Variants in ZZEF1 observed in about 807,000 individuals in gnomAD.
The protein encoded by ZZEF1 is zinc finger ZZ-type and EF-hand domain-containing protein 1.
Under a neutral mutation model 342.8 loss-of-function variants are expected in ZZEF1, and 157 were observed. The ratio of observed to expected loss-of-function variants is 0.46; its 90% CI spans 0.40 to 0.52. The LOEUF is 0.52. Ranked by LOEUF, ZZEF1 falls within the 20% of genes least tolerant of loss-of-function variation. The probability of loss-of-function intolerance (pLI) is 0.00; values close to 1 mark genes in which losing one functional copy is unlikely to be tolerated. For missense variants in ZZEF1, 3,480 were observed against 3,725.6 expected (o/e 0.93, Z 1.72); for synonymous variants, 1,505 against 1,429.1 (o/e 1.05, Z -1.20).
At chr17:4,141,066 GC>G (rs745614721) in intron 1 of ZZEF1, among the ~76,000 whole-genome samples, 4 of 152,220 alleles carry the variant, frequency 2.6e-5, no homozygotes, top group Admixed American at 6.5e-5. Flanking sequence ...CCGCCACCAT[GC>G]CCAGCTAATT....
chr17:4,105,875 T>C (rs949948287), intron 6 of ZZEF1, 66 bp from the exon 7 acceptor site: 4 of 1,321,070 alleles, frequency 3.0e-6, no homozygotes, highest in African/African-American at 3.0e-5. Flanking sequence ...AAAAATAAAC[T>C]GTTAGAAGCT....
intron 33 of ZZEF1, 85 bp downstream of exon 33, chr17:4,056,131 G>C (rs550558839): frequency 7.3e-7 from 1 of 1,375,812 alleles, no homozygotes; most frequent in Non-Finnish European, 9.5e-7. Context: ...TCTCAGGTAA[G>C]AGCCTGCCAG....
chr17:4,008,411 T>C lies in ZZEF1; in HGVS notation c.8805+472A>G, dbSNP rs1313441682. The C allele has an allele frequency of 1.8e-6, 1 of 560,144 alleles. No individual in the cohort carries two copies. Among genetic ancestry groups the C allele is most frequent in the East Asian group, 1.4e-4 (1 of 6,916 alleles). 34.7% of individuals were successfully genotyped at this position (560,144 alleles called of 1,614,324 possible). On this transcript the variant is annotated intron_variant, in intron 54 of 54. Transcript: ENST00000381638. The surrounding 1 kb of genome is among the most constrained non-coding windows in gnomAD (Gnocchi z 4.2). ...AAGGTTTACACTTTTGCTTAATTTT[T>C]AAATTGAAAATCTCGTTTCTAATGG...
intron 27 of ZZEF1, 62 bp downstream of exon 27, chr17:4,067,101 T>G: frequency 7.3e-7 from 1 of 1,373,300 alleles, no homozygotes; most frequent in Non-Finnish European, 1.0e-6. Flanking sequence ...TTCATCTTAA[T>G]TCCATGATAT....
At position 4,064,793 on chromosome 17, in the gene ZZEF1, T is replaced by A; in HGVS notation, c.4286A>T (p.Lys1429Ile). Residue 1429 changes from lysine (K) to isoleucine (I), a missense_variant, in exon 29 of 55, where the codon AAA becomes ATA. By Grantham distance (102) the Lys-to-Ile change is moderately radical. Around this residue, in one of 5 missense-constraint regions of ZZEF1, gnomAD observed 1,528 missense variants for 1,624.1 expected, o/e 0.94. Coordinates refer to ENST00000381638, the MANE Select transcript of ZZEF1 (RefSeq NM_015113.4). ...TGAACTTATGCCCGTGGGCAGAAATTTTAGTAATAGAAGACTCTTCTCAAT... is the reference window on the plus strand; with the variant it reads ...TGAACTTATGCCCGTGGGCAGAAATATTAGTAATAGAAGACTCTTCTCAAT... ...ECIEKSLLLL[K>I]FLPTGISSKE... 1 of 1,607,962 alleles carries A rather than the reference T, an allele frequency of 6.2e-7. No individual in the cohort carries two copies. The highest frequency in any genetic ancestry group is 1.3e-5 in the African/African-American group (1 of 74,870).
intron 46 of ZZEF1, among the ~76,000 whole-genome samples, chr17:4,019,434 C>T (rs2056205158): frequency 6.6e-6 from 1 of 152,192 alleles, no homozygotes; most frequent in South Asian, 2.1e-4. Flanking sequence ...TGAGTTTCCT[C>T]TCAGAGGCCG....
chr17:4,039,038 G>A (rs1318824877), intron 39 of ZZEF1, among the ~76,000 whole-genome samples: 2 of 148,236 alleles, frequency 1.3e-5, no homozygotes, highest in Admixed American at 6.7e-5. Flanking sequence ...CAAAGTGCCT[G>A]CTAAAAAAAA....
chr17:4,012,181 T>C (rs2144931032), intron 52 of ZZEF1, among the ~76,000 whole-genome samples: 1 of 152,316 alleles, frequency 6.6e-6, no homozygotes, highest in South Asian at 2.1e-4. Flanking sequence ...TCATAAGCAC[T>C]GCTCAACCAG....
intron 1 of ZZEF1, among the ~76,000 whole-genome samples, chr17:4,130,316 G>T (rs2058643425): frequency 6.6e-6 from 1 of 152,078 alleles, no homozygotes; most frequent in Non-Finnish European, 1.5e-5. Flanking sequence ...AGCCGGGCGT[G>T]GTGGTGGGTA....
intron 3 of ZZEF1, 30 bp from the exon 4 acceptor site, chr17:4,114,500 A>C (rs900706652): frequency 6.3e-6 from 9 of 1,425,248 alleles, no homozygotes; most frequent in Non-Finnish European, 8.3e-6. Context: ...TGATTATATG[A>C]CATCCCTTTC....
chr17:4,104,661 T>C lies in ZZEF1; in HGVS notation c.1545A>G (p.Ser515=). The part of the protein sequence containing the change: ...DASSLILSMA[S]VRQNLLLKYG... ...ATTTGAGGAGCAGGTTCTGTCTGAC[T>C]GACGCCATGGACAAGATGAGGGATG... Residue 515 remains serine, a synonymous_variant, in exon 8 of 55, where the codon TCA becomes TCG. Coordinates refer to ENST00000381638, the MANE Select transcript of ZZEF1 (RefSeq NM_015113.4). 1 of 1,614,158 alleles carries C rather than the reference T, an allele frequency of 6.2e-7. No individual in the cohort carries two copies. The highest frequency in any genetic ancestry group is 8.5e-7 in the Non-Finnish European group (1 of 1,180,020).
intron 1 of ZZEF1, among the ~76,000 whole-genome samples, chr17:4,124,506 G>A (rs998772623): frequency 8.6e-5 from 13 of 151,992 alleles, no homozygotes; most frequent in African/African-American, 1.2e-4. Context: ...GCAGTGGTGC[G>A]ACCTCAGGTC....
At chr17:4,047,880 G>GAT in intron 37 of ZZEF1, among the ~76,000 whole-genome samples, 1 of 150,532 alleles carries the variant, frequency 6.6e-6, no homozygotes, top group East Asian at 2.0e-4. Flanking sequence ...GGTGGAGGTT[G>GAT]CAGTGAGCCA....
In ZZEF1 at chr17:4,056,202, T is replaced by A; in HGVS notation, c.5295+14A>T. The A allele has an allele frequency of 6.4e-7, 1 of 1,568,958 alleles. No homozygotes were observed. Among genetic ancestry groups the A allele is most frequent in the Non-Finnish European group, 8.6e-7 (1 of 1,157,460 alleles). ...AGCAAATCACTTCAGAGTACTCTAG[T>A]TGAGAGGTCTTACTTTCCTCTGCTT... On this transcript the variant is annotated intron_variant, in intron 33 of 54. Transcript: ENST00000381638.
Position 4,088,899 on chromosome 17 carries a change from C to T in ZZEF1, c.2026-6G>A. 6.2e-7 allele frequency: 1 copy of T among 1,613,588 alleles called. No individual in the cohort carries two copies. Among genetic ancestry groups the T allele is most frequent in the Non-Finnish European group, 8.5e-7 (1 of 1,179,902 alleles). On this transcript the variant is annotated splice_polypyrimidine_tract_variant and splice_region_variant and intron_variant, in intron 12 of 54. Transcript: ENST00000381638. ...AGGAACTTCACCATCAAATACTGGA[C>T]AGGACAAGAGAGATTTCAATAGAAG...
At position 4,032,234 on chromosome 17, in the gene ZZEF1, C is replaced by T. The variant is rs201475056; in HGVS notation, c.6784G>A (p.Val2262Ile). 4.6e-5 allele frequency: 75 copies of T among 1,613,354 alleles called. No individual in the cohort carries two copies. The highest frequency in any genetic ancestry group is 1.6e-4 in the African/African-American group (12 of 74,852). ...GGTTCATTGGCATTATCCATATAAA[C>T]GCAGCGGGTTCCCACACAGAGGACC... is the stretch of plus-strand genomic sequence containing the variant. ...PQVLCVGTRCVYMDNANEPHN... is the reference protein window; with the variant it reads ...PQVLCVGTRCIYMDNANEPHN... Residue 2262 changes from valine to isoleucine, a missense_variant, in exon 42 of 55, where the codon GTT (valine) becomes ATT (isoleucine). This residue lies in a region of ZZEF1 where 1,269 missense variants were observed against 1,342.4 expected (regional missense o/e 0.95). Coordinates refer to ENST00000381638, the MANE Select transcript of ZZEF1 (RefSeq NM_015113.4).
intron 25 of ZZEF1, 37 bp from the exon 26 acceptor site, chr17:4,070,961 T>C: frequency 6.3e-7 from 1 of 1,588,326 alleles, no homozygotes; most frequent in East Asian, 2.2e-5. Context: ...ATTTAACACA[T>C]TCATTCAAAA....
chr17:4,036,335 T>C (rs1597793260), intron 39 of ZZEF1, among the ~76,000 whole-genome samples: 1 of 152,312 alleles, frequency 6.6e-6, no homozygotes, highest in East Asian at 1.9e-4. Context: ...GCAATTCCTA[T>C]AGTGTAGACT....
intron 29 of ZZEF1, 148 bp from the exon 30 acceptor site, chr17:4,063,065 AC>A: frequency 1.4e-6 from 1 of 733,950 alleles, no homozygotes; most frequent in Non-Finnish European, 2.1e-6. Context: ...AAGTACCAAT[AC>A]CTCTTTACTA....
Sources: allele counts gnomAD v4.1 joint callset (sites outside exome capture counted in the v4.1 genomes callset), GRCh38; gene constraint gnomAD v4.1.1; regional missense constraint gnomAD v4.1.1; non-coding constraint Gnocchi (gnomAD v3.1); transcripts MANE v1.5; gene names NCBI Gene and HGNC (gene_info 2026-07-23, HGNC 2026-07-21).